DAZAP2: variants seen among roughly 807,000 people sequenced by gnomAD.
DAZAP2 encodes DAZ associated protein 2.
Under a neutral mutation model 16.2 loss-of-function variants are expected in DAZAP2, and 3 were observed. The ratio of observed to expected loss-of-function variants is 0.19; its 90% CI spans 0.08 to 0.48. The LOEUF is 0.48. Ranked by LOEUF, DAZAP2 falls within the 20% of genes least tolerant of loss-of-function variation. The pLI, the probability that DAZAP2 is intolerant of heterozygous loss-of-function variation, is 0.98. For missense variants in DAZAP2, 172 were observed against 215.9 expected (o/e 0.80, Z 1.27); for synonymous variants, 69 against 77.6 (o/e 0.89, Z 0.58).
intron 3 of DAZAP2, 152 bp from the exon 4 acceptor site, chr12:51,242,178 C>T: frequency 2.8e-6 from 3 of 1,074,526 alleles, no homozygotes; most frequent in East Asian, 2.5e-5. Context: ...AAGTATAGAC[C>T]TACTTTAGAA....
At position 51,243,262 on chromosome 12, in the gene DAZAP2, G is replaced by A; in HGVS notation, c.*804G>A. The stretch of plus-strand genomic sequence containing the variant: ...AACTGAGCTATGTTTGAACAAAGAT[G>A]TCGTGCAAACTGTACTGTGAACAAC... On this transcript the variant is annotated 3_prime_UTR_variant, in exon 4 of 4. Coordinates refer to ENST00000412716, the MANE Select transcript of DAZAP2 (RefSeq NM_014764.4). The A allele has an allele frequency of 1.0e-6, 1 of 985,884 alleles. No individual in the cohort carries two copies. Among genetic ancestry groups the A allele is most frequent in the Non-Finnish European group, 1.2e-6 (1 of 830,002 alleles). 61.1% of individuals were successfully genotyped at this position (985,884 alleles called of 1,614,324 possible). A position where few individuals can be genotyped will look rare whatever the true frequency, so the allele number is the denominator to read the frequency against.
intron 3 of DAZAP2, among the ~76,000 whole-genome samples, chr12:51,241,787 G>A (rs367604529): frequency 6.6e-6 from 1 of 152,126 alleles, no homozygotes; most frequent in South Asian, 2.1e-4. Flanking sequence ...CGGGCATGGT[G>A]GCAGGCGTCT....
intron 3 of DAZAP2, 31 bp from the exon 4 acceptor site, chr12:51,242,299 G>T (rs1296336597): frequency 1.9e-6 from 3 of 1,555,940 alleles, no homozygotes; most frequent in Non-Finnish European, 2.6e-6. Flanking sequence ...TAGCTGCCCT[G>T]TGCCCATTCT....
At chr12:51,241,341 T>C (rs1184068995) in intron 3 of DAZAP2, among the ~76,000 whole-genome samples, 2 of 152,130 alleles carry the variant, frequency 1.3e-5, no homozygotes, top group African/African-American at 2.4e-5. Context: ...TTCATGTCTG[T>C]CGAGTCCTGC....
chr12:51,246,604 C>CTCTGTGTG (rs148976171), downstream of DAZAP2: 201 of 338,212 alleles, frequency 5.9e-4, no homozygotes, highest in African/African-American at 4.5e-3. Flanking sequence ...TCTTTTATGG[C>CTCTGTGTG]TGTGTGTGTG....
downstream of DAZAP2, chr12:51,245,968 G>A (rs779212592): frequency 6.2e-7 from 1 of 1,613,730 alleles, no homozygotes; most frequent in Non-Finnish European, 8.5e-7. Context: ...CTTTCTCGCT[G>A]CCCTTGGCCA....
downstream of DAZAP2, chr12:51,243,960 C>G (rs1313142827): frequency 1.0e-6 from 1 of 973,792 alleles, no homozygotes; most frequent in Non-Finnish European, 1.2e-6. Context: ...GAATTCCATT[C>G]CAGATGTTCA....
downstream of DAZAP2, among the ~76,000 whole-genome samples, chr12:51,244,133 C>G (rs1480347660): frequency 6.6e-6 from 1 of 152,128 alleles, no homozygotes; most frequent in Non-Finnish European, 1.5e-5. Context: ...TTTAGTTTCT[C>G]CAATGTTCTA....
chr12:51,246,715 C>CAG (rs1944777673), downstream of DAZAP2: 1 of 1,485,008 alleles, frequency 6.7e-7, no homozygotes, highest in South Asian at 1.3e-5. Context: ...GCCCTTGATC[C>CAG]AGAAGGTCCC....
At chr12:51,242,202 C>T (rs940045700) in intron 3 of DAZAP2, 128 bp from the exon 4 acceptor site, 26 of 1,328,014 alleles carry the variant, frequency 2.0e-5, no homozygotes, top group Middle Eastern at 2.1e-4. Context: ...AAATTGGTGG[C>T]GGAACTAGCT....
At chr12:51,240,819 C>G (rs1944661334) in intron 2 of DAZAP2, 52 bp from the exon 3 acceptor site, 1 of 1,590,788 alleles carries the variant, frequency 6.3e-7, no homozygotes. Flanking sequence ...AAAGAGATCT[C>G]AAATAGGAAT....
At chr12:51,246,209 G>A (rs1441371455), downstream of DAZAP2, 15 of 1,529,450 alleles carry the variant, frequency 9.8e-6, no homozygotes, top group Admixed American at 8.1e-5. Flanking sequence ...CACTGTTTTC[G>A]TAAAGATCCT....
chr12:51,239,016 G>T, intron 1 of DAZAP2, 96 bp downstream of exon 1: 2 of 1,553,268 alleles, frequency 1.3e-6, no homozygotes, highest in Non-Finnish European at 1.7e-6. Context: ...CAGGTTTGGG[G>T]TGGGCTGCGC....
downstream of DAZAP2, chr12:51,246,284 C>T: frequency 1.0e-6 from 1 of 983,350 alleles, no homozygotes; most frequent in Non-Finnish European, 1.5e-6. Context: ...CCCCAATTTC[C>T]ATGGCACATA....
intron 1 of DAZAP2, 182 bp from the exon 2 acceptor site, chr12:51,240,161 C>T (rs1944646524): frequency 3.3e-6 from 2 of 605,396 alleles, no homozygotes; most frequent in South Asian, 1.9e-5. Flanking sequence ...AATCCAGCAC[C>T]TTCCATTTTA....
rs1944727959 is a variant in DAZAP2 at position 51,243,891 on chromosome 12, C to G, written c.*1433C>G. The G allele has an allele frequency of 4.1e-6, 4 of 985,170 alleles. No homozygotes were observed. The South Asian group carries it at 1.4e-4, about 35-fold the overall frequency. The allele number at this position is 985,170 out of a possible 1,614,324, so 61.0% of individuals were successfully genotyped here. On this transcript the variant is annotated 3_prime_UTR_variant, in exon 4 of 4. Transcript: ENST00000412716. Reference sequence around the variant, plus strand: ...GCTAGGTGCTGCTGCTGCTCTGTTTCCTTTGATGACGCTTTGAAATAAAGG... The same window carrying G: ...GCTAGGTGCTGCTGCTGCTCTGTTTGCTTTGATGACGCTTTGAAATAAAGG...
In DAZAP2 at chr12:51,243,618, T is replaced by G. The variant is rs1367462800; in HGVS notation, c.*1160T>G. On this transcript the variant is annotated 3_prime_UTR_variant, in exon 4 of 4. Transcript: ENST00000412716. ...TTATAATTTCAGTTCATCTAAATTG[T>G]GTGTTCTGTACATGTGATGTTTGAC... 1 of 985,684 alleles carries G rather than the reference T, an allele frequency of 1.0e-6. No individual in the cohort carries two copies. Among genetic ancestry groups the G allele is most frequent in the African/African-American group, 1.7e-5 (1 of 57,234 alleles). 61.1% of individuals were successfully genotyped at this position (985,684 alleles called of 1,614,324 possible). A position where few individuals can be genotyped will look rare whatever the true frequency, so the allele number is the denominator to read the frequency against.
Position 51,243,838 on chromosome 12 carries a change from A to C in DAZAP2, c.*1380A>C, listed in dbSNP as rs1035517058. ...TTGTTTTTAGATTTCTTCTATATATATTTTATTTATATCCCATCTAGAATT... is the reference window on the plus strand; with the variant it reads ...TTGTTTTTAGATTTCTTCTATATATCTTTTATTTATATCCCATCTAGAATT... On this transcript the variant is annotated 3_prime_UTR_variant, in exon 4 of 4. Coordinates refer to ENST00000412716, the MANE Select transcript of DAZAP2 (RefSeq NM_014764.4). 7.4e-5 allele frequency: 73 copies of C among 984,708 alleles called. No individual in the cohort carries two copies. The African/African-American group carries it at 1.2e-3, about 16-fold the overall frequency. The allele number at this position is 984,708 out of a possible 1,614,324, so 61.0% of individuals were successfully genotyped here.
At chr12:51,240,490 G>A in intron 2 of DAZAP2, 29 bp downstream of exon 2, 2 of 1,556,950 alleles carry the variant, frequency 1.3e-6, no homozygotes, top group Non-Finnish European at 1.8e-6. Context: ...ATTTGAACTA[G>A]CTGGGAATAC....
Sources: gnomAD v4.1 joint callset for allele counts (sites outside exome capture counted in the v4.1 genomes callset) on GRCh38, gnomAD v4.1.1 for gene constraint, MANE v1.5 for transcripts, NCBI Gene and HGNC (gene_info 2026-07-23, HGNC 2026-07-21) for gene names.